The following KIF23 variants were observed in gnomAD, a reference collection of about 807,000 sequenced individuals.
KIF23 encodes kinesin-like protein KIF23.
In KIF23, 30 loss-of-function variants were observed where a neutral mutation model predicts 137.5. The ratio of observed to expected loss-of-function variants is 0.22; its 90% confidence interval spans 0.16 to 0.30. The LOEUF is 0.30. KIF23 is among the 10% of genes least tolerant of loss of function. The probability of loss-of-function intolerance (pLI) is 1.00; values close to 1 mark genes in which losing one functional copy is unlikely to be tolerated. For missense variants in KIF23, 920 were observed against 1,194.3 expected (o/e 0.77, Z 3.38); for synonymous variants, 367 against 391.1 (o/e 0.94, Z 0.73).
In KIF23 at chr15:69,425,336, G is replaced by T; in HGVS notation, c.776+13G>T. The T allele has an allele frequency of 6.5e-7, 1 of 1,534,942 alleles. No homozygotes were observed. Among genetic ancestry groups the T allele is most frequent in the Non-Finnish European group, 8.7e-7 (1 of 1,145,920 alleles). ...ACACAGATTTTGTGTATGTGATGGTGTTGGCTCTTTTCTTAAGGAGAAGGG... is the reference window on the plus strand; with the variant it reads ...ACACAGATTTTGTGTATGTGATGGTTTTGGCTCTTTTCTTAAGGAGAAGGG... On this transcript the variant is annotated intron_variant, in intron 8 of 23. Coordinates refer to ENST00000679126, the MANE Select transcript of KIF23 (RefSeq NM_001367805.3).
At chr15:69,431,568 C>T (rs1403762512) in intron 11 of KIF23, among the ~76,000 whole-genome samples, 10 of 151,448 alleles carry the variant, frequency 6.6e-5, no homozygotes, top group Admixed American at 2.0e-4. Context: ...GAGCCGAGAT[C>T]GCGCCATTGC....
At chr15:69,417,952 AAGCTAAT>A (rs758862353) in intron 3 of KIF23, among the ~76,000 whole-genome samples, 1 of 152,222 alleles carries the variant, frequency 6.6e-6, no homozygotes, top group Non-Finnish European at 1.5e-5. Context: ...CAAATGTGCT[AAGCTAAT>A]AGTTGGAGGG....
At position 69,421,731 on chromosome 15, in the gene KIF23, G is replaced by C; in HGVS notation, c.295G>C (p.Asp99His). The change falls in exon 4 of 24, where the codon GAC becomes CAC. Residue 99 changes from aspartate (D) to histidine (H), a missense_variant. Around this residue, in one of 4 missense-constraint regions of KIF23, gnomAD observed 124 missense variants for 122.0 expected, o/e 1.02. Transcript: ENST00000679126. ...TGTTGTGGCTAATCCCTTGGTCAAT[G>C]ACCTCATTCATGGCAAAAATGGTAT... is the stretch of plus-strand genomic sequence containing the variant. ...FDVVANPLVNDLIHGKNGLLF... is the reference protein window; with the variant it reads ...FDVVANPLVNHLIHGKNGLLF... 1 of 1,612,778 alleles carries C rather than the reference G, an allele frequency of 6.2e-7. No homozygotes were observed. The highest frequency in any genetic ancestry group is 2.2e-5 in the East Asian group (1 of 44,852).
intron 3 of KIF23, 151 bp downstream of exon 3, chr15:69,417,662 G>T: frequency 1.2e-6 from 1 of 829,464 alleles, no homozygotes; most frequent in South Asian, 1.8e-5. Context: ...AAGTGTTTTT[G>T]ACTTCTGGGA....
At chr15:69,421,913 G>A (rs753971521) in intron 4 of KIF23, 79 bp from the exon 5 acceptor site, 5 of 1,536,864 alleles carry the variant, frequency 3.3e-6, no homozygotes, top group East Asian at 2.3e-5. Context: ...CTAATTGTTA[G>A]TGTTTTCTAA....
rs76148443 is a variant in KIF23, at chr15:69,440,981, G to A, written c.2323G>A (p.Val775Met). ...GCCAGGACAAAGCAAAACTTGTATC[G>A]TGTCAGACAGAAGGCGAGGGATGTA... is the stretch of plus-strand genomic sequence containing the variant. ...QEPGQSKTCI[V>M]SDRRRGMYWT... The change falls in exon 19 of 24, where the codon GTG (valine) becomes ATG (methionine). Residue 775 changes from valine to methionine, a missense_variant. By Grantham distance (21) the Val-to-Met change is conservative (BLOSUM62 1). Around this residue, in one of 4 missense-constraint regions of KIF23, gnomAD observed 714 missense variants for 866.2 expected, o/e 0.82. Coordinates refer to ENST00000679126, the MANE Select transcript of KIF23 (RefSeq NM_001367805.3). 2,899 of 1,614,208 alleles carry A rather than the reference G, an allele frequency of 1.8e-3. 6 individuals are homozygous for A. Among genetic ancestry groups the A allele is most frequent in the Non-Finnish European group, 2.2e-3 (2,551 of 1,180,038 alleles).
In KIF23 at chr15:69,447,820, A is replaced by G. The variant is rs2057772594; in HGVS notation, c.*13A>G. On this transcript the variant is annotated 3_prime_UTR_variant, in exon 24 of 24. Coordinates refer to ENST00000679126, the MANE Select transcript of KIF23 (RefSeq NM_001367805.3). ...CAAAAAGCCATGAACTGACAGTCCC[A>G]GTACTGAAAGAACATTTTCATTTGT... The G allele has an allele frequency of 6.2e-7, 1 of 1,604,970 alleles. No homozygotes were observed. The highest frequency in any genetic ancestry group is 8.5e-7 in the Non-Finnish European group (1 of 1,173,348).
chr15:69,434,650 G>A, intron 11 of KIF23: 1 of 1,470,338 alleles, frequency 6.8e-7, no homozygotes, highest in Non-Finnish European at 9.5e-7. Context: ...AAGTCATGGA[G>A]GATGTCTCAC....
intron 7 of KIF23, among the ~76,000 whole-genome samples, chr15:69,424,016 G>A (rs950101693): frequency 6.6e-6 from 1 of 152,034 alleles, no homozygotes; most frequent in Non-Finnish European, 1.5e-5. Flanking sequence ...GTCTTTATTA[G>A]GGCCTCTCAG....
intron 11 of KIF23, chr15:69,434,534 T>C (rs1596006250): frequency 1.2e-6 from 1 of 855,874 alleles, no homozygotes; most frequent in East Asian, 2.5e-5. Context: ...GATCTCATAG[T>C]TTTCTTTAAC....
chr15:69,436,018 T>A (rs1007837793), intron 13 of KIF23, 120 bp from the exon 14 acceptor site: 3 of 1,374,858 alleles, frequency 2.2e-6, no homozygotes, highest in Non-Finnish European at 3.0e-6. Context: ...GCCACTGCAC[T>A]CCAGCCTGGT....
rs148015330 is a variant in KIF23, at chr15:69,425,364, C to T, written c.776+41C>T. On this transcript the variant is annotated intron_variant, in intron 8 of 23. Transcript: ENST00000679126. ...GGCTCTTTTCTTAAGGAGAAGGGTG[C>T]AGTTATACTATGGTTGGCATTCTGT... is the stretch of plus-strand genomic sequence containing the variant. 3.9e-4 allele frequency: 575 copies of T among 1,492,362 alleles called. 2 individuals carry two copies. The African/African-American group carries it at 6.6e-3, about 17-fold the overall frequency. 92.4% of individuals were successfully genotyped at this position (1,492,362 alleles called of 1,614,324 possible). A position where few individuals can be genotyped will look rare whatever the true frequency, so the allele number is the denominator to read the frequency against.
chr15:69,430,727 C>A (rs1323473023), intron 11 of KIF23, among the ~76,000 whole-genome samples: 2 of 152,156 alleles, frequency 1.3e-5, no homozygotes, highest in African/African-American at 2.4e-5. Context: ...GTCATGAAGA[C>A]CCCTGTCTGT....
chr15:69,414,778 G>A (rs2056852198), intron 1 of KIF23: 1 of 352,088 alleles, frequency 2.8e-6, no homozygotes, highest in South Asian at 1.2e-4. Context: ...CCGGGGGCGG[G>A]GCAGTCCTCC....
chr15:69,420,970 G>A (rs923049775), intron 3 of KIF23, among the ~76,000 whole-genome samples: 1 of 152,178 alleles, frequency 6.6e-6, no homozygotes, highest in Non-Finnish European at 1.5e-5. Context: ...CAGTAAAGTT[G>A]TGTATGACAT....
intron 3 of KIF23, among the ~76,000 whole-genome samples, chr15:69,418,784 C>T (rs1474138542): frequency 6.6e-6 from 1 of 152,186 alleles, no homozygotes; most frequent in Non-Finnish European, 1.5e-5. Context: ...TTCATAATCT[C>T]TTCATAGAGA....
intron 19 of KIF23, among the ~76,000 whole-genome samples, chr15:69,442,654 G>C (rs1046827954): frequency 6.6e-6 from 1 of 152,158 alleles, no homozygotes; most frequent in African/African-American, 2.4e-5. Flanking sequence ...TTAGGTAAAT[G>C]GTCATTCTGA....
chr15:69,414,638 G>C, intron 1 of KIF23, 162 bp downstream of exon 1: 1 of 724,962 alleles, frequency 1.4e-6, no homozygotes. Flanking sequence ...GAACCTCCAC[G>C]TGTGGCCGCT....
intron 11 of KIF23, among the ~76,000 whole-genome samples, chr15:69,433,134 G>C (rs1328326582): frequency 2.0e-5 from 3 of 152,168 alleles, no homozygotes; most frequent in Non-Finnish European, 4.4e-5. Flanking sequence ...GAGTTCCTGA[G>C]AGCACAGTGG....
Sources: allele counts gnomAD v4.1 joint callset (sites outside exome capture counted in the v4.1 genomes callset), GRCh38; gene constraint gnomAD v4.1.1; regional missense constraint gnomAD v4.1.1; transcripts MANE v1.5; gene names NCBI Gene and HGNC (gene_info 2026-07-23, HGNC 2026-07-21).